The following PCNT variants were observed in gnomAD, a reference collection of about 807,000 sequenced individuals.
The protein encoded by PCNT is pericentrin.
In PCNT, 319 loss-of-function variants were observed where a neutral mutation model predicts 380.4. The observed-to-expected ratio is 0.84, with a 90% CI of 0.77 to 0.92. The LOEUF is 0.92. Ranked by LOEUF, PCNT falls within the 40% of genes least tolerant of loss-of-function variation. The pLI is 0.00. For synonymous variants in PCNT, 1,845 were observed against 1,735.2 expected (o/e 1.06, Z -1.57); for missense variants, 4,400 against 4,255.3 (o/e 1.03, Z -0.95).
chr21:46,425,225 G>C lies in PCNT; in HGVS notation c.7180-606G>C, dbSNP rs780890241. Among the ~76,000 whole-genome samples the C allele has an allele frequency of 1.3e-5, 2 of 152,150 alleles. No homozygotes were observed. Among genetic ancestry groups the C allele is most frequent in the Admixed American group, 1.3e-4 (2 of 15,272 alleles). The stretch of plus-strand genomic sequence containing the variant: ...TGGCGAGACAGTCAAGTGTGTGTCC[G>C]GACACCAGCTGCTGCGTAATCGGTG... On this transcript the variant is annotated intron_variant, in intron 32 of 46. Coordinates refer to ENST00000359568, the MANE Select transcript of PCNT (RefSeq NM_006031.6). The surrounding 1 kb of genome is among the most constrained non-coding windows in gnomAD (Gnocchi z 4.2).
intron 14 of PCNT, among the ~76,000 whole-genome samples, chr21:46,364,268 T>C (rs1017658822): frequency 1.4e-5 from 2 of 139,768 alleles, no homozygotes; most frequent in African/African-American, 2.7e-5. Flanking sequence ...TGGCAGTTGC[T>C]GTCCCGAAGC....
chr21:46,351,292 T>G (rs1332580661), intron 8 of PCNT, 137 bp from the exon 9 acceptor site: 3 of 715,522 alleles, frequency 4.2e-6, no homozygotes, highest in Non-Finnish European at 7.7e-6. Flanking sequence ...TGTGGCTGGC[T>G]TTCTCCGAGC....
At position 46,425,661 on chromosome 21, in the gene PCNT, T is replaced by C. The variant is rs926178367; in HGVS notation, c.7180-170T>C. Among the ~76,000 whole-genome samples, 23 of 152,294 alleles carry C rather than the reference T, an allele frequency of 1.5e-4. No individual in the cohort carries two copies. Among genetic ancestry groups the C allele is most frequent in the African/African-American group, 5.1e-4 (21 of 41,576 alleles). ...TCGGGAGAGGTGGGCTTGAAAACCT[T>C]GTAGCTTGAGAAGTGGGTGCCGCCT... is the stretch of plus-strand genomic sequence containing the variant. On this transcript the variant is annotated intron_variant, in intron 32 of 46. Transcript: ENST00000359568. The surrounding 1 kb of genome is among the most constrained non-coding windows in gnomAD (Gnocchi z 4.2).
chr21:46,412,984 G>A lies in PCNT; in HGVS notation c.6142G>A (p.Gly2048Ser), dbSNP rs372803743. Residue 2048 changes from glycine (G) to serine (S), a missense_variant, in exon 29 of 47, where the codon GGC (glycine) becomes AGC (serine). By Grantham distance (56) the Gly-to-Ser change is moderately conservative. Transcript: ENST00000359568. ...TGAAATGCGCCTGAGTCTGGAGGAC[G>A]GCGGCAAGGTGTGGGGAGGGGGGAA... ...KNEMRLSLED[G>S]GKGKEKVLED... 68 of 1,608,352 alleles carry A rather than the reference G, an allele frequency of 4.2e-5. No homozygotes were observed. The highest frequency in any genetic ancestry group is 8.0e-5 in the African/African-American group (6 of 75,068).
intron 2 of PCNT, 139 bp downstream of exon 2, chr21:46,326,728 T>G: frequency 2.0e-6 from 2 of 995,922 alleles, no homozygotes; most frequent in Non-Finnish European, 3.0e-6. Flanking sequence ...TTATAAAAAG[T>G]GAGGGCCGGG....
At chr21:46,436,588 C>G (rs2053461699) in intron 39 of PCNT, among the ~76,000 whole-genome samples, 1 of 151,410 alleles carries the variant, frequency 6.6e-6, no homozygotes, top group African/African-American at 2.4e-5. Flanking sequence ...TTGTCTTTTT[C>G]CCTATACACA....
rs906075502 is a variant in PCNT at position 46,427,923 on chromosome 21, T to C, written c.7494+128T>C. The C allele has an allele frequency of 6.2e-5, 64 of 1,033,708 alleles. 2 individuals are homozygous for C. In the South Asian group the frequency reaches 8.8e-4, roughly 14 times the overall value. The allele number at this position is 1,033,708 out of a possible 1,614,324, so 64.0% of individuals were successfully genotyped here. On this transcript the variant is annotated intron_variant, in intron 34 of 46. Coordinates refer to ENST00000359568, the MANE Select transcript of PCNT (RefSeq NM_006031.6). ...TTTCTCTCGACCGCTGGAATGTGGC[T>C]GTCACTTACCCAGGTGTTGACGCTC...
rs143490174 is a variant in PCNT, at chr21:46,385,922, C to A, written c.3403C>A (p.Arg1135=). 192 of 1,614,200 alleles carry A rather than the reference C, an allele frequency of 1.2e-4. 3 individuals are homozygous for A. In the Admixed American group the frequency reaches 3.1e-3, roughly 26 times the overall value. ...VLQQRREREN[R]EGANLLSMLK... is the part of the protein sequence containing the mutation. ...GCAGCAGAGGCGGGAGCGGGAGAAC[C>A]GGGAAGGCGCAAACCTCCTCTCCAT... The change falls in exon 17 of 47, where the codon CGG becomes AGG. Residue 1135 remains arginine (R), a synonymous_variant. Transcript: ENST00000359568.
rs780633435 is a variant in PCNT, at chr21:46,416,104, G to A, written c.6186G>A (p.Pro2062=). Residue 2062 remains proline, a synonymous_variant, in exon 30 of 47, where the codon CCG becomes CCA. Transcript: ENST00000359568. The part of the protein sequence containing the change: ...KEKVLEDCQL[P]KVDLVAQVKQ... Reference sequence around the variant, plus strand: ...AAGTACTGGAAGATTGTCAGCTGCCGAAGGTCGATCTCGTAGCTCAGGTGA... The same window carrying A: ...AAGTACTGGAAGATTGTCAGCTGCCAAAGGTCGATCTCGTAGCTCAGGTGA... The A allele has an allele frequency of 8.1e-6, 13 of 1,614,040 alleles. No homozygotes were observed. The Admixed American group carries it at 1.5e-4, about 19-fold the overall frequency.
chr21:46,415,559 A>G (rs2086994546), intron 29 of PCNT, among the ~76,000 whole-genome samples: 1 of 151,476 alleles, frequency 6.6e-6, no homozygotes, highest in South Asian at 2.1e-4. Context: ...TAATTTTTGT[A>G]TTTTTAGTAG....
At chr21:46,386,564 A>G (rs1441178055) in intron 17 of PCNT, among the ~76,000 whole-genome samples, 1 of 151,994 alleles carries the variant, frequency 6.6e-6, no homozygotes, top group Admixed American at 6.5e-5. Context: ...TCTGCTTACC[A>G]CGGGCCGTGG....
intron 15 of PCNT, among the ~76,000 whole-genome samples, chr21:46,379,347 G>T (rs2085436893): frequency 6.6e-6 from 1 of 152,192 alleles, no homozygotes; most frequent in African/African-American, 2.4e-5. Context: ...CGTGTCTTGA[G>T]CGGCACCCAT....
intron 3 of PCNT, among the ~76,000 whole-genome samples, chr21:46,344,052 ATCTTT>A (rs771339613): frequency 7.1e-4 from 104 of 147,512 alleles, no homozygotes; most frequent in African/African-American, 2.3e-3. Context: ...AGTTTTGTTT[ATCTTT>A]TCTTTTCTTT....
rs2084793955 is a variant in PCNT at position 46,363,617 on chromosome 21, G to A, written c.2292G>A (p.Glu764=). ...VMKEELQREA[E]EKLTLMLLEL... is the part of the protein sequence containing the mutation. ...AGGAGGAGCTACAGCGGGAAGCTGA[G>A]GAGAAGTTAACATTGATGCTACTTG... The change falls in exon 14 of 47, where the codon GAG becomes GAA. Residue 764 remains glutamate, a synonymous_variant. Transcript: ENST00000359568. The A allele has an allele frequency of 6.2e-7, 1 of 1,614,204 alleles. No individual in the cohort carries two copies.
At chr21:46,354,353 G>T (rs572435551) in intron 11 of PCNT, among the ~76,000 whole-genome samples, 1 of 152,248 alleles carries the variant, frequency 6.6e-6, no homozygotes, top group Non-Finnish European at 1.5e-5. Flanking sequence ...GCATTCGTCA[G>T]ACTTGACAGT....
chr21:46,438,478 G>T lies in PCNT; in HGVS notation c.9273+141G>T, dbSNP rs532909521. 1.8e-5 allele frequency: 13 copies of T among 737,480 alleles called. No homozygotes were observed. The African/African-American group carries it at 1.9e-4, about 11-fold the overall frequency. 45.7% of individuals were successfully genotyped at this position (737,480 alleles called of 1,614,324 possible). A position where few individuals can be genotyped will look rare whatever the true frequency, so the allele number is the denominator to read the frequency against. On this transcript the variant is annotated intron_variant, in intron 41 of 46. Transcript: ENST00000359568. ...TTCTCCCTAACCGCCAGGCTCTGTT[G>T]CCTCTGTCTGAAGCCTTGCTAAATG...
chr21:46,358,811 T>TA (rs1296376655), intron 13 of PCNT, among the ~76,000 whole-genome samples: 3 of 150,890 alleles, frequency 2.0e-5, no homozygotes, highest in Admixed American at 6.6e-5. Flanking sequence ...TTTTTTTTTA[T>TA]TTTTTTTGAG....
chr21:46,334,774 C>A lies in PCNT; in HGVS notation c.639+6C>A. On this transcript the variant is annotated splice_donor_region_variant and intron_variant, in intron 3 of 46. Transcript: ENST00000359568. ...AGCGTGGGATGTTCACAAAGGTATT[C>A]TTTAAGTTCTCTGTTAAGGTGTATT... is the stretch of plus-strand genomic sequence containing the variant. 1 of 1,614,052 alleles carries A rather than the reference C, an allele frequency of 6.2e-7. No homozygotes were observed. The highest frequency in any genetic ancestry group is 1.1e-5 in the South Asian group (1 of 91,088).
rs531879734 is a variant in PCNT at position 46,342,904 on chromosome 21, G to A, written c.640-3224G>A. Among the ~76,000 whole-genome samples, 4 of 152,284 alleles carry A rather than the reference G, an allele frequency of 2.6e-5. No individual in the cohort carries two copies. The South Asian group carries it at 8.3e-4, about 32-fold the overall frequency. On this transcript the variant is annotated intron_variant, in intron 3 of 46. Transcript: ENST00000359568. Reference sequence around the variant, plus strand: ...CCTCCTTGGTTAGGAATATTCCTAAGTATTTTATTTTATTTTTTGCAGCCA... The same window carrying A: ...CCTCCTTGGTTAGGAATATTCCTAAATATTTTATTTTATTTTTTGCAGCCA...
Sources: gnomAD v4.1 joint callset for allele counts (sites outside exome capture counted in the v4.1 genomes callset) on GRCh38, gnomAD v4.1.1 for gene constraint, Gnocchi (gnomAD v3.1) non-coding constraint, MANE v1.5 for transcripts, NCBI Gene and HGNC (gene_info 2026-07-23, HGNC 2026-07-21) for gene names.